The following RANBP2 variants were observed in gnomAD, a reference collection of about 807,000 sequenced individuals.
RANBP2 encodes the protein E3 SUMO-protein ligase RanBP2.
Under a neutral mutation model 303.6 loss-of-function variants are expected in RANBP2, and 57 were observed. The ratio of observed to expected loss-of-function variants is 0.19; its 90% CI spans 0.15 to 0.23. RANBP2 has a LOEUF of 0.23. Ranked by LOEUF, RANBP2 falls within the 10% of genes least tolerant of loss-of-function variation. The pLI is 1.00. For missense variants in RANBP2, 3,138 were observed against 3,780.8 expected (o/e 0.83, Z 4.46); for synonymous variants, 1,167 against 1,301.5 (o/e 0.90, Z 2.23).
the RANBP2 span, among the ~76,000 whole-genome samples, chr2:109,721,050 G>A: frequency 3.9e-5 from 6 of 152,162 alleles, no homozygotes; most frequent in Admixed American, 2.6e-4. Flanking sequence ...AGAATGTGCC[G>A]CTGTGATCAG....
the RANBP2 span, chr2:108,885,598 TGTGTG>T: frequency 2.0e-5 from 3 of 152,254 alleles, no homozygotes; most frequent in Admixed American, 6.5e-5. Flanking sequence ...ATGTGTATAA[TGTGTG>T]GTGATCAAGT....
At chr2:109,174,974 A>T in the RANBP2 span, among the ~76,000 whole-genome samples, 1 of 152,286 alleles carries the variant, frequency 6.6e-6, no homozygotes, top group East Asian at 1.9e-4. Flanking sequence ...TTAAAGAGTG[A>T]TTTATACCTT....
At chr2:109,074,804 C>T in the RANBP2 span, among the ~76,000 whole-genome samples, 27 of 146,566 alleles carry the variant, frequency 1.8e-4, no homozygotes, top group African/African-American at 4.9e-4. Flanking sequence ...AGGAGGATCA[C>T]GAGGTCAGGA....
chr2:108,831,218 C>T, the RANBP2 span, among the ~76,000 whole-genome samples: 1 of 151,980 alleles, frequency 6.6e-6, no homozygotes, highest in Non-Finnish European at 1.5e-5. Flanking sequence ...CAGATCATCA[C>T]TGTAAGAAAG....
the RANBP2 span, among the ~76,000 whole-genome samples, chr2:109,513,468 T>TCCACATGGACACACA: frequency 7.1e-6 from 1 of 141,248 alleles, no homozygotes; most frequent in African/African-American, 2.7e-5. Context: ...ATATAGACAC[T>TCCACATGGACACACA]CCACATGTAC....
At chr2:108,901,413 T>G in the RANBP2 span, among the ~76,000 whole-genome samples, 2 of 152,048 alleles carry the variant, frequency 1.3e-5, no homozygotes, top group African/African-American at 4.8e-5. Flanking sequence ...TTTCAAGCAC[T>G]TAGAAAAAGA....
chr2:109,233,923 A>AG, the RANBP2 span, among the ~76,000 whole-genome samples: 1 of 152,214 alleles, frequency 6.6e-6, no homozygotes, highest in African/African-American at 2.4e-5. Context: ...CATCATATGG[A>AG]GGTACCACAG....
the RANBP2 span, among the ~76,000 whole-genome samples, chr2:109,647,155 C>CTTTTT: frequency 3.1e-4 from 22 of 71,524 alleles, 3 homozygotes; most frequent in African/African-American, 1.1e-3. Flanking sequence ...GCTCTCCTCA[C>CTTTTT]TTTTTTTTTT....
chr2:108,793,163 C>T, the RANBP2 span, among the ~76,000 whole-genome samples: 1 of 151,476 alleles, frequency 6.6e-6, no homozygotes, highest in Non-Finnish European at 1.5e-5. Context: ...CCAGACCATC[C>T]TGGCTAACAC....
the RANBP2 span, among the ~76,000 whole-genome samples, chr2:109,149,920 C>G: frequency 6.6e-6 from 1 of 152,162 alleles, no homozygotes; most frequent in Non-Finnish European, 1.5e-5. Context: ...TTTTTAATTG[C>G]AGCTGTGTTC....
At chr2:109,663,083 G>GTCCT in the RANBP2 span, among the ~76,000 whole-genome samples, 2 of 152,126 alleles carry the variant, frequency 1.3e-5, no homozygotes, top group Non-Finnish European at 2.9e-5. Context: ...TCCACCTAGT[G>GTCCT]TCCTTCCCTC....
At chr2:109,193,098 T>G in the RANBP2 span, among the ~76,000 whole-genome samples, 2 of 152,338 alleles carry the variant, frequency 1.3e-5, no homozygotes, top group East Asian at 3.9e-4. Flanking sequence ...AAGTTAAAAT[T>G]ATGAAGGAAC....
At chr2:109,625,618 A>G in the RANBP2 span, among the ~76,000 whole-genome samples, 2 of 152,130 alleles carry the variant, frequency 1.3e-5, no homozygotes, top group African/African-American at 4.8e-5. Flanking sequence ...GTGAGCCGAG[A>G]TCACGCCACT....
the RANBP2 span, among the ~76,000 whole-genome samples, chr2:109,378,638 G>A: frequency 2.0e-5 from 3 of 152,338 alleles, no homozygotes; most frequent in Non-Finnish European, 4.4e-5. Context: ...CTTAGACTCA[G>A]TTTGGTGTTT....
the RANBP2 span, among the ~76,000 whole-genome samples, chr2:109,401,335 G>A: frequency 1.3e-5 from 2 of 152,220 alleles, no homozygotes; most frequent in African/African-American, 2.4e-5. Flanking sequence ...CTAAGAAGAG[G>A]ACTGAGGAGC....
At chr2:108,771,931 T>G in intron 21 of RANBP2, 60 bp downstream of exon 21, 1 of 1,601,598 alleles carries the variant, frequency 6.2e-7, no homozygotes, top group Non-Finnish European at 8.5e-7. Flanking sequence ...AAATTGGGAG[T>G]ATGGTTTAAT....
chr2:109,696,010 C>A, the RANBP2 span, among the ~76,000 whole-genome samples: 1 of 152,166 alleles, frequency 6.6e-6, no homozygotes, highest in Non-Finnish European at 1.5e-5. Context: ...ATTGCCCAGG[C>A]CACAGTGCAG....
the RANBP2 span, among the ~76,000 whole-genome samples, chr2:108,814,056 T>C: frequency 1.3e-5 from 2 of 152,204 alleles, no homozygotes; most frequent in Non-Finnish European, 2.9e-5. Context: ...CGAATATTGG[T>C]GTACAGAGTT....
chr2:109,449,270 G>A, the RANBP2 span: 1 of 1,611,692 alleles, frequency 6.2e-7, no homozygotes, highest in Non-Finnish European at 8.5e-7. Context: ...CCAGCCTCAG[G>A]CCCCACTCGG....
Sources: gnomAD v4.1 joint callset for allele counts (sites outside exome capture counted in the v4.1 genomes callset) on GRCh38, gnomAD v4.1.1 for gene constraint, MANE v1.5 for transcripts, NCBI Gene and HGNC (gene_info 2026-07-23, HGNC 2026-07-21) for gene names.